DENND1B: variants seen among roughly 807,000 people sequenced by gnomAD.
The protein encoded by DENND1B is DENN domain containing 1B.
DENND1B carries 59 observed loss-of-function variants against 90.1 expected under a neutral mutation model. The ratio of observed to expected loss-of-function variants is 0.65; its 90% CI spans 0.53 to 0.81. The LOEUF is 0.81. Among genes scored for constraint, DENND1B ranks in the 40% least tolerant of loss-of-function variants. DENND1B has a pLI of 0.00. For synonymous variants in DENND1B, 337 were observed against 324.6 expected (o/e 1.04, Z -0.41); for missense variants, 862 against 912.6 (o/e 0.94, Z 0.71).
chr1:197,720,857 A>T (rs1261525234), intron 2 of DENND1B, among the ~76,000 whole-genome samples: 2 of 152,206 alleles, frequency 1.3e-5, no homozygotes, highest in Admixed American at 1.3e-4. Context: ...GAAAGTCTTA[A>T]ATTCAGACTA....
At chr1:197,512,748 G>C (rs1336978880) in intron 21 of DENND1B, 123 bp downstream of exon 21, 9 of 798,058 alleles carry the variant, frequency 1.1e-5, no homozygotes, top group Non-Finnish European at 1.7e-5. Flanking sequence ...TTTTGCTGAA[G>C]AACACTGTAA....
intron 3 of DENND1B, chr1:197,690,493 C>T: frequency 5.9e-6 from 1 of 169,066 alleles, no homozygotes; most frequent in South Asian, 1.4e-4. Context: ...GAGAGCTTCT[C>T]TGACCATCTC....
chr1:197,559,093 T>C (rs1222596265), intron 15 of DENND1B, among the ~76,000 whole-genome samples: 2 of 151,944 alleles, frequency 1.3e-5, no homozygotes, highest in Admixed American at 1.3e-4. Flanking sequence ...CCTTTTACAA[T>C]TCTTTAATTA....
rs1043863711 is a variant in DENND1B, at chr1:197,654,371, G to T, written c.367-2056C>A. ...CCCGCCTGTAATCCCCAGCACTTTG[G>T]GGGGCTGAGGTGGGTGGATCAAGAG... On this transcript the variant is annotated intron_variant, in intron 6 of 22. Transcript: ENST00000620048. 5.3e-5 allele frequency among the ~76,000 whole-genome samples: 8 copies of T among 152,186 alleles called. No homozygotes were observed. In the South Asian group the frequency reaches 6.2e-4, roughly 12 times the overall value.
At chr1:197,678,768 T>C (rs1224403410) in intron 3 of DENND1B, among the ~76,000 whole-genome samples, 2 of 152,162 alleles carry the variant, frequency 1.3e-5, no homozygotes, top group Non-Finnish European at 2.9e-5. Flanking sequence ...CTCCCACTTA[T>C]GAGTGAGAAT....
chr1:197,643,566 A>C (rs975940512), intron 9 of DENND1B, among the ~76,000 whole-genome samples: 11 of 152,196 alleles, frequency 7.2e-5, no homozygotes, highest in African/African-American at 2.2e-4. Flanking sequence ...GCCATTCACT[A>C]TGCAGGCACA....
intron 13 of DENND1B, among the ~76,000 whole-genome samples, chr1:197,599,463 T>G (rs1572022669): frequency 6.6e-6 from 1 of 151,846 alleles, no homozygotes; most frequent in East Asian, 1.9e-4. Context: ...AAAACACTCC[T>G]AAGATATTTT....
chr1:197,755,446 T>C (rs1007756774), intron 2 of DENND1B, among the ~76,000 whole-genome samples: 2 of 150,186 alleles, frequency 1.3e-5, no homozygotes, highest in African/African-American at 2.4e-5. Flanking sequence ...AAAAATACAA[T>C]GGTACAGGAT....
chr1:197,619,379 C>T (rs1677942854), intron 10 of DENND1B, among the ~76,000 whole-genome samples: 2 of 151,046 alleles, frequency 1.3e-5, no homozygotes, highest in South Asian at 4.1e-4. Context: ...TAAATTAGGC[C>T]TCTTTAAGAC....
chr1:197,753,836 A>G (rs1031563901), intron 2 of DENND1B, among the ~76,000 whole-genome samples: 1 of 151,932 alleles, frequency 6.6e-6, no homozygotes, highest in African/African-American at 2.4e-5. Flanking sequence ...TCCCGTCTCT[A>G]CTAAAAATAC....
chr1:197,707,740 A>T (rs1466291767), intron 3 of DENND1B, among the ~76,000 whole-genome samples: 2 of 148,932 alleles, frequency 1.3e-5, no homozygotes, highest in Admixed American at 6.7e-5. Flanking sequence ...ATGGCCGAAT[A>T]GGAACAGCTC....
chr1:197,515,318 A>G (rs1272608128), intron 20 of DENND1B, among the ~76,000 whole-genome samples: 3 of 151,750 alleles, frequency 2.0e-5, no homozygotes, highest in Non-Finnish European at 4.4e-5. Flanking sequence ...CTTTATCACT[A>G]TAAGTTTAAG....
chr1:197,697,925 C>A (rs1304862485), intron 3 of DENND1B, among the ~76,000 whole-genome samples: 2 of 152,066 alleles, frequency 1.3e-5, no homozygotes, highest in Non-Finnish European at 2.9e-5. Flanking sequence ...ACAACAAGTT[C>A]TTAGAGACCT....
intron 13 of DENND1B, among the ~76,000 whole-genome samples, chr1:197,597,839 T>G (rs1009844524): frequency 1.3e-5 from 2 of 151,796 alleles, no homozygotes; most frequent in African/African-American, 4.8e-5. Context: ...TATACACACT[T>G]GATATTTGAC....
intron 18 of DENND1B, among the ~76,000 whole-genome samples, chr1:197,544,927 GA>G (rs1558222330): frequency 3.4e-4 from 25 of 74,368 alleles, no homozygotes; most frequent in South Asian, 5.9e-4. Flanking sequence ...AAGAAGAAAA[GA>G]GAAGAAGAAG....
intron 2 of DENND1B, among the ~76,000 whole-genome samples, chr1:197,738,641 T>C (rs918150116): frequency 1.1e-4 from 16 of 152,224 alleles, no homozygotes; most frequent in Admixed American, 3.3e-4. Context: ...TTAGTTACCA[T>C]AGCTTTTCTT....
chr1:197,611,711 C>T (rs540973051), intron 12 of DENND1B, among the ~76,000 whole-genome samples: 9 of 150,722 alleles, frequency 6.0e-5, no homozygotes, highest in Admixed American at 1.3e-4. Context: ...CAAACATAAC[C>T]TATTTTTATG....
chr1:197,577,844 G>C (rs1673824394), intron 15 of DENND1B, among the ~76,000 whole-genome samples: 1 of 152,162 alleles, frequency 6.6e-6, no homozygotes, highest in Non-Finnish European at 1.5e-5. Flanking sequence ...TTAGAGATGA[G>C]AGGTATCTCA....
intron 2 of DENND1B, among the ~76,000 whole-genome samples, chr1:197,766,405 T>C (rs1049389841): frequency 6.6e-6 from 1 of 152,252 alleles, no homozygotes; most frequent in African/African-American, 2.4e-5. Flanking sequence ...TGGACAATAA[T>C]GCAATACCTC....
Sources: gnomAD v4.1 joint callset for allele counts (sites outside exome capture counted in the v4.1 genomes callset) on GRCh38, gnomAD v4.1.1 for gene constraint, MANE v1.5 for transcripts, NCBI Gene and HGNC (gene_info 2026-07-23, HGNC 2026-07-21) for gene names.